ITSN2: variants seen among roughly 807,000 people sequenced by gnomAD.
The protein encoded by ITSN2 is intersectin-2.
A neutral mutation model predicts 243.7 loss-of-function variants in ITSN2; 156 were observed. That is an observed-to-expected ratio of 0.64 (90% CI 0.56 to 0.73). The LOEUF (loss-of-function observed/expected upper bound fraction) is 0.73, where lower values mean the gene tolerates loss of function less well. Among genes scored for constraint, ITSN2 ranks in the 30% least tolerant of loss-of-function variants. The pLI is 0.00. For missense variants in ITSN2, 1,801 were observed against 1,996.1 expected, an observed-to-expected ratio of 0.90 and a Z score of 1.86; for synonymous variants, 703 against 699.9, an observed-to-expected ratio of 1.00 and a Z score of -0.07.
At chr2:24,317,776 T>C (rs1424902639) in intron 2 of ITSN2, among the ~76,000 whole-genome samples, 1 of 152,222 alleles carries the variant, frequency 6.6e-6, no homozygotes. Flanking sequence ...CAAGTATGAC[T>C]AATGTGCAGA....
chr2:24,239,943 C>G (rs1353710039), intron 29 of ITSN2: 1 of 152,012 alleles, frequency 6.6e-6, no homozygotes, highest in African/African-American at 2.4e-5. Context: ...ATGATTTAAT[C>G]CATAGGTACC....
At chr2:24,240,569 T>A (rs1158389717) in intron 29 of ITSN2, 5 of 152,334 alleles carry the variant, frequency 3.3e-5, no homozygotes. Flanking sequence ...TTCCCAAGCA[T>A]CATAAAGTTA....
intron 2 of ITSN2, among the ~76,000 whole-genome samples, chr2:24,318,877 G>C (rs576232444): frequency 1.3e-5 from 2 of 152,278 alleles, no homozygotes; most frequent in South Asian, 2.1e-4. Context: ...GTGAGCGGTG[G>C]GCAAGTGAGC....
chr2:24,216,407 G>C lies in ITSN2; in HGVS notation c.3807-175C>G, dbSNP rs13021828. The C allele has an allele frequency of 0.34, 163,952 of 475,982 alleles. 29,896 individuals are homozygous for C. Among genetic ancestry groups the C allele is most frequent in the Middle Eastern group, 0.42 (732 of 1,758 alleles). The allele number at this position is 475,982 out of a possible 1,614,324, so 29.5% of individuals were successfully genotyped here. On this transcript the variant is annotated intron_variant, in intron 31 of 39. Transcript: ENST00000355123. ...ATAGCTTGGGCCAAAAGCTCTGCTGGTCAAGCCAACCGGGGTGTGATGTCA... is the reference window on the plus strand; with the variant it reads ...ATAGCTTGGGCCAAAAGCTCTGCTGCTCAAGCCAACCGGGGTGTGATGTCA...
intron 18 of ITSN2, among the ~76,000 whole-genome samples, chr2:24,273,360 A>T (rs539045579): frequency 3.3e-5 from 5 of 152,216 alleles, no homozygotes; most frequent in Admixed American, 6.5e-5. Context: ...TGCAGTCCTC[A>T]CTTAATTTCA....
chr2:24,261,971 GCATT>G (rs67295128), intron 20 of ITSN2, among the ~76,000 whole-genome samples: 149,067 of 152,208 alleles, frequency 0.98, 72,996 homozygotes, highest in East Asian at 0.99. Context: ...AAGACAAATA[GCATT>G]CATTATATAT....
Position 24,205,298 on chromosome 2 carries a change from C to T in ITSN2, c.4679-1G>A. 1 of 1,612,836 alleles carries T rather than the reference C, an allele frequency of 6.2e-7. No individual in the cohort carries two copies. The highest frequency in any genetic ancestry group is 8.5e-7 in the Non-Finnish European group (1 of 1,178,922). On this transcript the variant is annotated splice_acceptor_variant, in intron 37 of 39. Coordinates refer to ENST00000355123, the MANE Select transcript of ITSN2 (RefSeq NM_006277.3). LOFTEE classifies it high-confidence loss of function. Reference sequence around the variant, plus strand: ...ATGCCTGAAGTCTTTTGGGAGCGGGCTACAAAAGAGGAAGACAAGTCTCAT... The same window carrying T: ...ATGCCTGAAGTCTTTTGGGAGCGGGTTACAAAAGAGGAAGACAAGTCTCAT...
At chr2:24,278,281 T>C (rs535552830) in intron 17 of ITSN2, among the ~76,000 whole-genome samples, 4 of 152,322 alleles carry the variant, frequency 2.6e-5, no homozygotes, top group African/African-American at 9.6e-5. Context: ...TATTCCTCTA[T>C]CATAGTGTCT....
intron 1 of ITSN2, among the ~76,000 whole-genome samples, chr2:24,335,826 C>T (rs1304684906): frequency 6.6e-6 from 1 of 151,428 alleles, no homozygotes; most frequent in Non-Finnish European, 1.5e-5. Context: ...TTAGTAGGGA[C>T]GGGGTTTCGC....
chr2:24,209,093 G>A lies in ITSN2; in HGVS notation c.4595+7C>T, dbSNP rs1304360056. The A allele has an allele frequency of 6.2e-7, 1 of 1,613,812 alleles. No homozygotes were observed. The highest frequency in any genetic ancestry group is 1.3e-5 in the African/African-American group (1 of 74,922). ...TTCAAGGCAGGCCACACATGGTCAG[G>A]ACTGACCTCTCATTAATGTTGTCTG... On this transcript the variant is annotated splice_region_variant and intron_variant, in intron 36 of 39. Coordinates refer to ENST00000355123, the MANE Select transcript of ITSN2 (RefSeq NM_006277.3).
At chr2:24,260,972 T>C (rs1028108061) in intron 22 of ITSN2, 134 bp downstream of exon 22, 2 of 672,192 alleles carry the variant, frequency 3.0e-6, no homozygotes, top group Non-Finnish European at 2.4e-6. Context: ...TCACATCACA[T>C]GTGAATAAGA....
intron 2 of ITSN2, among the ~76,000 whole-genome samples, chr2:24,317,992 T>C (rs1025690238): frequency 2.0e-5 from 3 of 152,190 alleles, no homozygotes; most frequent in Admixed American, 6.5e-5. Context: ...CACGGCAAGA[T>C]TGAGCAGAAG....
intron 27 of ITSN2, among the ~76,000 whole-genome samples, chr2:24,248,363 A>T (rs1277560066): frequency 6.6e-6 from 1 of 152,200 alleles, no homozygotes; most frequent in Non-Finnish European, 1.5e-5. Context: ...ATGATCTGTG[A>T]ATTATAAAGG....
At chr2:24,218,192 C>G (rs1359948113) in intron 30 of ITSN2, among the ~76,000 whole-genome samples, 179 bp from the exon 31 acceptor site, 1 of 152,146 alleles carries the variant, frequency 6.6e-6, no homozygotes, top group African/African-American at 2.4e-5. Flanking sequence ...GCATAATGTT[C>G]TTTCTTTTTG....
intron 1 of ITSN2, among the ~76,000 whole-genome samples, chr2:24,337,346 A>ATATATATATATATG (rs1374358758): frequency 2.5e-5 from 3 of 119,960 alleles, no homozygotes; most frequent in Non-Finnish European, 5.2e-5. Flanking sequence ...ATATATATAT[A>ATATATATATATATG]TATATATGTA....
chr2:24,277,067 A>G (rs1455248738), intron 17 of ITSN2, among the ~76,000 whole-genome samples: 1 of 152,206 alleles, frequency 6.6e-6, no homozygotes, highest in East Asian at 1.9e-4. Flanking sequence ...CCATGGATTC[A>G]GTTAGTGGTC....
Position 24,203,680 on chromosome 2 carries a change from C to G in ITSN2, c.5040G>C (p.Gly1680=), listed in dbSNP as rs1668543951. ...GCAGGTCAAAACGGACCCAGACCTC[C>G]CCGGTGGGGACCTCATGCAGCAGCA... ...RRLLLHEVPT[G]EVWVRFDLQL... The change falls in exon 40 of 40, where the codon GGG becomes GGC. Residue 1680 remains glycine, a synonymous_variant. Coordinates refer to ENST00000355123, the MANE Select transcript of ITSN2 (RefSeq NM_006277.3). 1 of 1,614,198 alleles carries G rather than the reference C, an allele frequency of 6.2e-7. No homozygotes were observed. The highest frequency in any genetic ancestry group is 8.5e-7 in the Non-Finnish European group (1 of 1,180,040).
chr2:24,269,458 C>T (rs777537549), intron 20 of ITSN2, among the ~76,000 whole-genome samples: 9 of 152,168 alleles, frequency 5.9e-5, no homozygotes, highest in Non-Finnish European at 1.0e-4. Flanking sequence ...TAACTCATGA[C>T]TAATACTTCA....
intron 1 of ITSN2, chr2:24,330,274 T>C: frequency 5.4e-6 from 2 of 368,476 alleles, no homozygotes; most frequent in South Asian, 4.5e-5. Flanking sequence ...ATTCTGTGAA[T>C]ACAAAAGAAT....
Sources: allele counts gnomAD v4.1 joint callset (sites outside exome capture counted in the v4.1 genomes callset), GRCh38; gene constraint gnomAD v4.1.1; transcripts MANE v1.5; gene names NCBI Gene and HGNC (gene_info 2026-07-23, HGNC 2026-07-21).